PRAME: variants seen among roughly 807,000 people sequenced by gnomAD.
PRAME encodes the protein PRAME nuclear receptor transcriptional regulator, also known as melanoma antigen preferentially expressed in tumors.
Under a neutral mutation model 32.1 loss-of-function variants are expected in PRAME, and 21 were observed. The ratio of observed to expected loss-of-function variants is 0.65; its 90% CI spans 0.46 to 0.94. The LOEUF (loss-of-function observed/expected upper bound fraction) is 0.94, where lower values mean the gene tolerates loss of function less well. PRAME is among the 40% of genes least tolerant of loss of function. The pLI is 0.00. For missense variants in PRAME, 651 were observed against 622.3 expected (o/e 1.05, Z -0.49); for synonymous variants, 274 against 251.5 (o/e 1.09, Z -0.85).
At chr22:22,554,599 A>G (rs2062790496) in intron 3 of PRAME, among the ~76,000 whole-genome samples, 1 of 151,866 alleles carries the variant, frequency 6.6e-6, no homozygotes, top group African/African-American at 2.4e-5. Context: ...CATTACCTCA[A>G]ATAGCCTTCA....
chr22:22,548,025 T>C lies in PRAME; in HGVS notation c.*42A>G, dbSNP rs372551186. 5.1e-4 allele frequency: 795 copies of C among 1,547,286 alleles called. No homozygotes were observed. Among genetic ancestry groups the C allele is most frequent in the Non-Finnish European group, 6.6e-4 (752 of 1,141,612 alleles). On this transcript the variant is annotated 3_prime_UTR_variant, in exon 6 of 6. Coordinates refer to ENST00000405655, the MANE Select transcript of PRAME (RefSeq NM_206956.3). ...AGATGCATGCACATCCTGGCTTTAG[T>C]GTCCAAGTATGCAGAATGAAGCATT...
chr22:22,556,715 G>A (rs2062947439), intron 3 of PRAME, 97 bp downstream of exon 3: 1 of 1,437,202 alleles, frequency 7.0e-7, no homozygotes, highest in Non-Finnish European at 9.7e-7. Flanking sequence ...CTACTGTGAG[G>A]GACCTCAGGA....
At chr22:22,555,930 T>G (rs1268434581) in intron 3 of PRAME, 2 of 469,952 alleles carry the variant, frequency 4.3e-6, no homozygotes, top group East Asian at 1.4e-4. Flanking sequence ...TGCGTCTGAT[T>G]ACCCCGGGGA....
chr22:22,550,675 G>A, intron 4 of PRAME, 92 bp downstream of exon 4: 1 of 1,381,608 alleles, frequency 7.2e-7, no homozygotes, highest in Non-Finnish European at 9.8e-7. Flanking sequence ...CAGAGCCTCT[G>A]GCCCAGCCTT....
In PRAME at chr22:22,548,221, C is replaced by T. The variant is rs754353290; in HGVS notation, c.1376G>A (p.Arg459Lys). The change falls in exon 6 of 6, where the codon AGG becomes AAG. Residue 459 changes from arginine to lysine, a missense_variant. Coordinates refer to ENST00000405655, the MANE Select transcript of PRAME (RefSeq NM_206956.3). ...EDIHGTLHLE[R>K]LAYLHARLRE... The stretch of plus-strand genomic sequence containing the variant: ...GAGCCTGGCATGCAGATAGGCAAGC[C>T]TCTCCAGGTGGAGGGTACCATGGAT... The T allele has an allele frequency of 6.8e-6, 11 of 1,613,732 alleles. No individual in the cohort carries two copies. The highest frequency in any genetic ancestry group is 1.7e-6 in the Non-Finnish European group (2 of 1,179,978).
At position 22,548,014 on chromosome 22, in the gene PRAME, C is replaced by T; in HGVS notation, c.*53G>A. ...TTGTTGCTTCAAGATGCATGCACAT[C>T]CTGGCTTTAGTGTCCAAGTATGCAG... On this transcript the variant is annotated 3_prime_UTR_variant, in exon 6 of 6. Transcript: ENST00000405655. 2 of 1,528,474 alleles carry T rather than the reference C, an allele frequency of 1.3e-6. No individual in the cohort carries two copies. Among genetic ancestry groups the T allele is most frequent in the Non-Finnish European group, 1.8e-6 (2 of 1,128,740 alleles). 94.7% of individuals were successfully genotyped at this position (1,528,474 alleles called of 1,614,324 possible).
chr22:22,558,431 G>A (rs1479347225), intron 1 of PRAME, among the ~76,000 whole-genome samples: 1 of 51,412 alleles, frequency 1.9e-5, no homozygotes, highest in South Asian at 9.4e-4. Context: ...GAAACAGGGT[G>A]GGGGTGGGGA....
At chr22:22,558,488 A>G (rs1233467216) in intron 1 of PRAME, among the ~76,000 whole-genome samples, 21 of 76,586 alleles carry the variant, frequency 2.7e-4, no homozygotes, top group Non-Finnish European at 3.2e-4. Flanking sequence ...TGTAAGAAAA[A>G]CAAAGGGTTG....
chr22:22,554,644 T>C (rs928263331), intron 3 of PRAME, among the ~76,000 whole-genome samples: 7 of 151,922 alleles, frequency 4.6e-5, no homozygotes, highest in African/African-American at 1.7e-4. Context: ...TTTTCATTTT[T>C]AGTCTTGTAA....
At chr22:22,548,712 C>A in intron 5 of PRAME, 69 bp from the exon 6 acceptor site, 2 of 1,382,252 alleles carry the variant, frequency 1.4e-6, no homozygotes, top group Non-Finnish European at 2.0e-6. Flanking sequence ...GAGAGAGGCC[C>A]ATTTCACCAA....
chr22:22,552,968 CAAATCTA>C, intron 3 of PRAME: 1 of 470,244 alleles, frequency 2.1e-6, no homozygotes, highest in South Asian at 1.6e-5. Context: ...ACGGAAGAGC[CAAATCTA>C]ATTACATTCC....
chr22:22,553,245 C>A (rs1329720827), intron 3 of PRAME, among the ~76,000 whole-genome samples: 3 of 151,934 alleles, frequency 2.0e-5, no homozygotes, highest in Non-Finnish European at 4.4e-5. Context: ...ACCCCATGTT[C>A]CCTAACACAG....
chr22:22,550,685 T>C (rs1304762803), intron 4 of PRAME, 82 bp downstream of exon 4: 2 of 1,433,968 alleles, frequency 1.4e-6, no homozygotes, highest in African/African-American at 2.9e-5. Context: ...GGCCCAGCCT[T>C]AGGCGCTCCA....
chr22:22,552,425 G>A (rs900881392), intron 3 of PRAME, among the ~76,000 whole-genome samples: 8 of 144,178 alleles, frequency 5.5e-5, no homozygotes, highest in South Asian at 2.1e-4. Flanking sequence ...AAAAAAAGCC[G>A]TTTAAGAAAT....
At position 22,548,522 on chromosome 22, in the gene PRAME, C is replaced by A. The variant is rs755792225; in HGVS notation, c.1075G>T (p.Val359Phe). 1 of 1,613,706 alleles carries A rather than the reference C, an allele frequency of 6.2e-7. No homozygotes were observed. The highest frequency in any genetic ancestry group is 1.7e-5 in the Admixed American group (1 of 59,974). Residue 359 changes from valine (V) to phenylalanine (F), a missense_variant, in exon 6 of 6, where the codon GTC becomes TTC. By Grantham distance (50) the Val-to-Phe change is conservative (BLOSUM62 -1). Coordinates refer to ENST00000405655, the MANE Select transcript of PRAME (RefSeq NM_206956.3). ...TCGGGACTTACATCGGTCAGCATGA[C>A]CCCACTTAGACTCAGGACACTTAGC... ...SQLSVLSLSG[V>F]MLTDVSPEPL...
At position 22,553,015 on chromosome 22, in the gene PRAME, G is replaced by GT. The variant is rs1183827757; in HGVS notation, c.22-1927dup. On this transcript the variant is annotated intron_variant, in intron 3 of 5. Transcript: ENST00000405655. ...TCTCCAGCCAGTGAATCCTGATGGG[G>GT]TTTTTTACTTACTTCAGGTTCAACT... 13 of 455,598 alleles carry GT rather than the reference G, an allele frequency of 2.9e-5. No homozygotes were observed. The East Asian group carries it at 7.1e-4, about 25-fold the overall frequency. 28.2% of individuals were successfully genotyped at this position (455,598 alleles called of 1,614,324 possible). A position where few individuals can be genotyped will look rare whatever the true frequency, so the allele number is the denominator to read the frequency against.
intron 3 of PRAME, among the ~76,000 whole-genome samples, chr22:22,553,285 G>A (rs907115308): frequency 1.3e-5 from 2 of 152,064 alleles, no homozygotes; most frequent in South Asian, 2.1e-4. Flanking sequence ...AGGAAAAAGG[G>A]AGGAACAACA....
intron 3 of PRAME, among the ~76,000 whole-genome samples, chr22:22,553,209 T>C (rs977635095): frequency 5.3e-5 from 8 of 151,716 alleles, no homozygotes; most frequent in African/African-American, 1.5e-4. Flanking sequence ...TCCCAAACAA[T>C]CCCCAAGTAT....
rs550416151 is a variant in PRAME at position 22,556,807 on chromosome 22, C to G, written c.21+5G>C. The G allele has an allele frequency of 3.1e-6, 5 of 1,612,734 alleles. No individual in the cohort carries two copies. The South Asian group carries it at 5.5e-5, about 18-fold the overall frequency. ...CACCTCAGACAGCTCAGGGGACCTT[C>G]TTACCCACAAACGCCTTCGTTCCAT... On this transcript the variant is annotated splice_donor_5th_base_variant and intron_variant, in intron 3 of 5. Transcript: ENST00000405655.
Sources: gnomAD v4.1 joint callset for allele counts (sites outside exome capture counted in the v4.1 genomes callset) on GRCh38, gnomAD v4.1.1 for gene constraint, MANE v1.5 for transcripts, NCBI Gene and HGNC (gene_info 2026-07-23, HGNC 2026-07-21) for gene names.